CROCC: variants seen among roughly 807,000 people sequenced by gnomAD.
CROCC encodes rootletin.
A neutral mutation model predicts 245.2 loss-of-function variants in CROCC; 180 were observed. The ratio of observed to expected loss-of-function variants is 0.73; its 90% CI spans 0.65 to 0.83. The LOEUF (loss-of-function observed/expected upper bound fraction) is 0.83, where lower values mean the gene tolerates loss of function less well. CROCC is among the 40% of genes least tolerant of loss of function. The probability of loss-of-function intolerance (pLI) is 0.00; values close to 1 mark genes in which losing one functional copy is unlikely to be tolerated. For synonymous variants in CROCC, 1,205 were observed against 1,241.6 expected, an observed-to-expected ratio of 0.97 and a Z score of 0.62; for missense variants, 2,688 against 2,779.4, an observed-to-expected ratio of 0.97 and a Z score of 0.74.
At chr1:16,936,557 C>A in intron 8 of CROCC, 80 bp from the exon 9 acceptor site, 5 of 1,391,084 alleles carry the variant, frequency 3.6e-6, no homozygotes, top group East Asian at 2.4e-5. Context: ...GTGTGAGCCA[C>A]CACGCCCTGC....
intron 12 of CROCC, 94 bp downstream of exon 12, chr1:16,939,236 G>A (rs2075866466): frequency 8.8e-7 from 1 of 1,133,118 alleles, no homozygotes; most frequent in East Asian, 3.1e-5. Flanking sequence ...GCAGGTCCGG[G>A]GCCAGGGTCC....
chr1:16,947,244 A>G (rs1421429336), intron 17 of CROCC, among the ~76,000 whole-genome samples: 2 of 152,284 alleles, frequency 1.3e-5, no homozygotes, highest in African/African-American at 4.8e-5. Flanking sequence ...TGGGAGGCCG[A>G]GGCGGGTGGA....
At position 16,940,050 on chromosome 1, in the gene CROCC, C is replaced by T. The variant is rs1347314572; in HGVS notation, c.1765C>T (p.Arg589Cys). Residue 589 changes from arginine to cysteine, a missense_variant, in exon 13 of 37, where the codon CGC becomes TGC. Coordinates refer to ENST00000375541, the MANE Select transcript of CROCC (RefSeq NM_014675.5). The part of the protein sequence containing the change: ...GAMQAHEDAQ[R>C]EVQRLRSANE... ...CATGCAGGCCCACGAGGACGCCCAG[C>T]GCGAGGTGCAGCGGCTGCGGAGCGC... 13 of 1,610,014 alleles carry T rather than the reference C, an allele frequency of 8.1e-6. No individual in the cohort carries two copies. Among genetic ancestry groups the T allele is most frequent in the Non-Finnish European group, 1.1e-5 (13 of 1,179,134 alleles).
At position 16,969,166 on chromosome 1, in the gene CROCC, G is replaced by C. The variant is rs1168393397; in HGVS notation, c.5127G>C (p.Arg1709=). 4 of 1,610,432 alleles carry C rather than the reference G, an allele frequency of 2.5e-6. No individual in the cohort carries two copies. The South Asian group carries it at 4.4e-5, about 18-fold the overall frequency. Residue 1709 remains arginine (R), a synonymous_variant, in exon 32 of 37, where the codon CGG becomes CGC. Transcript: ENST00000375541. The part of the protein sequence containing the change: ...KAGTLQLTVE[R]LNGALAKVEE... ...GGACCCTGCAGCTGACCGTGGAGCGGCTGAATGGGGCCCTGGCTAAGGTGG... is the reference window on the plus strand; with the variant it reads ...GGACCCTGCAGCTGACCGTGGAGCGCCTGAATGGGGCCCTGGCTAAGGTGG...
At chr1:16,961,202 A>C (rs764066200) in intron 27 of CROCC, 72 bp downstream of exon 27, 14 of 1,226,808 alleles carry the variant, frequency 1.1e-5, no homozygotes, top group Non-Finnish European at 1.2e-5. Context: ...CCCACATGGC[A>C]GGGTGTTTTT....
At position 16,968,077 on chromosome 1, in the gene CROCC, G is replaced by A. The variant is rs113353013; in HGVS notation, c.4861-126G>A. 17 of 900,526 alleles carry A rather than the reference G, an allele frequency of 1.9e-5. 1 individual carries two copies. The highest frequency in any genetic ancestry group is 9.1e-5 in the Admixed American group (4 of 43,908). The allele number at this position is 900,526 out of a possible 1,614,324, so 55.8% of individuals were successfully genotyped here. A position where few individuals can be genotyped will look rare whatever the true frequency, so the allele number is the denominator to read the frequency against. On this transcript the variant is annotated intron_variant, in intron 30 of 36. Coordinates refer to ENST00000375541, the MANE Select transcript of CROCC (RefSeq NM_014675.5). ...CGAGGACCCCAGAGGGTCCCAGGCC[G>A]GCCCCAGGTCACGTAGGTCACCCTT... is the stretch of plus-strand genomic sequence containing the variant.
chr1:16,954,888 G>A lies in CROCC; in HGVS notation c.3465+11G>A, dbSNP rs931338612. 2.7e-5 allele frequency: 41 copies of A among 1,516,902 alleles called. No individual in the cohort carries two copies. The highest frequency in any genetic ancestry group is 1.3e-4 in the South Asian group (11 of 81,556). The allele number at this position is 1,516,902 out of a possible 1,614,324, so 94.0% of individuals were successfully genotyped here. ...TCCTGTCTTCGCGAGGTGAGCAGCC[G>A]CCCCCCTCTTCCAAGCAGCATACCC... On this transcript the variant is annotated intron_variant, in intron 23 of 36. Transcript: ENST00000375541. This position sits in a 1 kb window ranked among gnomAD's most constrained non-coding sequence, Gnocchi z 4.4.
At chr1:16,930,804 T>TA (rs2075658809) in intron 7 of CROCC, among the ~76,000 whole-genome samples, 1 of 152,294 alleles carries the variant, frequency 6.6e-6, no homozygotes, top group South Asian at 2.1e-4. Flanking sequence ...TTCCTCATGA[T>TA]AACTGCATGT....
In CROCC at chr1:16,954,983, T is replaced by A; in HGVS notation, c.3465+106T>A. 1 of 1,331,660 alleles carries A rather than the reference T, an allele frequency of 7.5e-7. No homozygotes were observed. Among genetic ancestry groups the A allele is most frequent in the Non-Finnish European group, 1.0e-6 (1 of 1,000,976 alleles). 82.5% of individuals were successfully genotyped at this position (1,331,660 alleles called of 1,614,324 possible). A position where few individuals can be genotyped will look rare whatever the true frequency, so the allele number is the denominator to read the frequency against. On this transcript the variant is annotated intron_variant, in intron 23 of 36. Coordinates refer to ENST00000375541, the MANE Select transcript of CROCC (RefSeq NM_014675.5). The surrounding 1 kb of genome is among the most constrained non-coding windows in gnomAD (Gnocchi z 4.4). Reference sequence around the variant, plus strand: ...GAAGAGTGTAAGATTCCTCCCTGCATTTGAGGACCAATGAATAGCAACTTA... The same window carrying A: ...GAAGAGTGTAAGATTCCTCCCTGCAATTGAGGACCAATGAATAGCAACTTA...
At chr1:16,963,179 G>A (rs1177554729) in intron 27 of CROCC, among the ~76,000 whole-genome samples, 2 of 138,534 alleles carry the variant, frequency 1.4e-5, no homozygotes, top group East Asian at 2.1e-4. Context: ...GCGAAACTCC[G>A]TCTCAGAAAA....
rs752047491 is a variant in CROCC, at chr1:16,953,348, G to A, written c.3053G>A (p.Ser1018Asn). Residue 1018 changes from serine (S) to asparagine (N), a missense_variant, in exon 21 of 37, where the codon AGT becomes AAT. Coordinates refer to ENST00000375541, the MANE Select transcript of CROCC (RefSeq NM_014675.5). ...ELEAERAQLQ[S>N]QLQREQEELL... ...GAGGCCGAGCGGGCCCAGCTGCAGA[G>A]TCAGCTGCAGCGTGAGCAGGAGGAG... 2 of 1,606,620 alleles carry A rather than the reference G, an allele frequency of 1.2e-6. No homozygotes were observed. Among genetic ancestry groups the A allele is most frequent in the South Asian group, 2.2e-5 (2 of 90,080 alleles).
At chr1:16,927,831 A>G (rs1250287806) in intron 3 of CROCC, among the ~76,000 whole-genome samples, 1 of 152,222 alleles carries the variant, frequency 6.6e-6, no homozygotes, top group Non-Finnish European at 1.5e-5. Flanking sequence ...GAAACCCCCT[A>G]CTTCCACCTC....
Position 16,970,733 on chromosome 1 carries a change from TGGCAGAGG to T in CROCC, c.5751_5758del (p.Gln1921AspfsTer46), listed in dbSNP as rs1414564547. ...ACCCTCACGGGGGCTGAGCTGGAGCTGGCAGAGGCGCAGAGGCAGATCCAGCAGCTGGA... is the reference window on the plus strand; with the variant it reads ...ACCCTCACGGGGGCTGAGCTGGAGCTCGCAGAGGCAGATCCAGCAGCTGGA... On this transcript the variant is annotated frameshift_variant, in exon 35 of 37. Coordinates refer to ENST00000375541, the MANE Select transcript of CROCC (RefSeq NM_014675.5). LOFTEE classifies it high-confidence loss of function. The T allele has an allele frequency of 6.2e-7, 1 of 1,603,732 alleles. No individual in the cohort carries two copies. The highest frequency in any genetic ancestry group is 1.3e-5 in the African/African-American group (1 of 74,636).
chr1:16,971,417 C>G (rs1444062390), intron 35 of CROCC, 48 bp from the exon 36 acceptor site: 1 of 1,491,830 alleles, frequency 6.7e-7, no homozygotes, highest in East Asian at 2.5e-5. Context: ...CACATGCACA[C>G]ACACACTCAC....
chr1:16,922,895 A>C (rs1371838310), intron 2 of CROCC, 97 bp downstream of exon 2: 3 of 1,502,916 alleles, frequency 2.0e-6, no homozygotes, highest in Non-Finnish European at 2.7e-6. Flanking sequence ...TCATGACTGT[A>C]ACTCACTGTG....
intron 8 of CROCC, 103 bp from the exon 9 acceptor site, chr1:16,936,534 G>A (rs764861763): frequency 1.8e-5 from 22 of 1,224,940 alleles, no homozygotes; most frequent in Admixed American, 2.8e-5. Context: ...CTCCTGAAGT[G>A]CTGGGATTAT....
At position 16,966,644 on chromosome 1, in the gene CROCC, T is replaced by C; in HGVS notation, c.4860+73T>C. On this transcript the variant is annotated intron_variant, in intron 30 of 36. Transcript: ENST00000375541. This position sits in a 1 kb window ranked among gnomAD's most constrained non-coding sequence, Gnocchi z 4.8. The stretch of plus-strand genomic sequence containing the variant: ...CGAGTGAGTGTCTAACTCTTATGTG[T>C]GTCTCCCTGTGTCTGTCTGCCTGAG... The C allele has an allele frequency of 2.1e-6, 3 of 1,399,542 alleles. No individual in the cohort carries two copies. Among genetic ancestry groups the C allele is most frequent in the Non-Finnish European group, 2.8e-6 (3 of 1,071,800 alleles). 86.7% of individuals were successfully genotyped at this position (1,399,542 alleles called of 1,614,324 possible). A position where few individuals can be genotyped will look rare whatever the true frequency, so the allele number is the denominator to read the frequency against.
Position 16,954,468 on chromosome 1 carries a change from T to C in CROCC, c.3321+111T>C. 1 of 1,419,980 alleles carries C rather than the reference T, an allele frequency of 7.0e-7. No homozygotes were observed. Among genetic ancestry groups the C allele is most frequent in the Non-Finnish European group, 9.4e-7 (1 of 1,058,548 alleles). 88.0% of individuals were successfully genotyped at this position (1,419,980 alleles called of 1,614,324 possible). On this transcript the variant is annotated intron_variant, in intron 22 of 36. Transcript: ENST00000375541. This position sits in a 1 kb window ranked among gnomAD's most constrained non-coding sequence, Gnocchi z 4.4. ...CTGTCCTGGAGAAGCTTCCAGGCTG[T>C]GGGAAAGGAGGTTTAGCCCTTCTTT...
chr1:16,956,188 G>T, intron 25 of CROCC, 32 bp downstream of exon 25: 3 of 1,499,122 alleles, frequency 2.0e-6, no homozygotes, highest in Non-Finnish European at 2.7e-6. Context: ...TTAGCCTGGG[G>T]CTTGCTGTGT....
Sources: gnomAD v4.1 joint callset for allele counts (sites outside exome capture counted in the v4.1 genomes callset) on GRCh38, gnomAD v4.1.1 for gene constraint, Gnocchi (gnomAD v3.1) non-coding constraint, MANE v1.5 for transcripts, NCBI Gene and HGNC (gene_info 2026-07-23, HGNC 2026-07-21) for gene names.